The following F5 variants were observed in gnomAD, a reference collection of about 807,000 sequenced individuals.
F5 encodes the protein activated protein c cofactor.
F5 carries 138 observed loss-of-function variants against 216.4 expected under a neutral mutation model. The observed-to-expected ratio is 0.64, with a 90% CI of 0.56 to 0.73. The LOEUF (loss-of-function observed/expected upper bound fraction) is 0.73, where lower values mean the gene tolerates loss of function less well. Among genes scored for constraint, F5 ranks in the 30% least tolerant of loss-of-function variants. The pLI is 0.00. For synonymous variants in F5, 916 were observed against 930.7 expected, an observed-to-expected ratio of 0.98 and a Z score of 0.29; for missense variants, 2,403 against 2,674.0, an observed-to-expected ratio of 0.90 and a Z score of 2.24.
intron 7 of F5, among the ~76,000 whole-genome samples, chr1:169,554,046 T>G (rs1660249866): frequency 9.7e-6 from 1 of 102,566 alleles, no homozygotes; most frequent in Non-Finnish European, 2.4e-5. Context: ...TTCTATAATC[T>G]TGGCCAAATT....
intron 6 of F5, 22 bp downstream of exon 6, chr1:169,556,624 G>T (rs1219139433): frequency 6.2e-7 from 1 of 1,610,608 alleles, no homozygotes; most frequent in Admixed American, 1.7e-5. Flanking sequence ...TGAGAAGCAA[G>T]ACTGTCAGGA....
chr1:169,573,947 G>T (rs78985570), intron 2 of F5, among the ~76,000 whole-genome samples: 224 of 152,076 alleles, frequency 1.5e-3, no homozygotes, highest in African/African-American at 5.1e-3. Context: ...CACATCCATG[G>T]AGTCAACCAA....
At chr1:169,570,183 A>T (rs1013353549) in intron 3 of F5, among the ~76,000 whole-genome samples, 2 of 152,090 alleles carry the variant, frequency 1.3e-5, no homozygotes, top group Admixed American at 1.3e-4. Flanking sequence ...ATTTTAAGCA[A>T]TTGCTCATAA....
intron 10 of F5, among the ~76,000 whole-genome samples, chr1:169,549,254 C>T (rs987664149): frequency 6.6e-6 from 1 of 152,164 alleles, no homozygotes; most frequent in African/African-American, 2.4e-5. Context: ...TATCTTTGTT[C>T]ACATTCTTCT....
At chr1:169,576,187 A>T (rs779346246) in intron 2 of F5, among the ~76,000 whole-genome samples, 6 of 152,190 alleles carry the variant, frequency 3.9e-5, no homozygotes, top group Non-Finnish European at 8.8e-5. Context: ...CTGCAGATAT[A>T]TAATCATAAA....
intron 13 of F5, among the ~76,000 whole-genome samples, chr1:169,539,556 G>C (rs1659785718): frequency 6.6e-6 from 1 of 152,186 alleles, no homozygotes; most frequent in Non-Finnish European, 1.5e-5. Context: ...GGAGATGTCA[G>C]GCATCAGATT....
chr1:169,522,859 C>T (rs1254193969), intron 21 of F5, among the ~76,000 whole-genome samples: 1 of 152,186 alleles, frequency 6.6e-6, no homozygotes, highest in African/African-American at 2.4e-5. Context: ...TCTTGGTAGC[C>T]AATTTTTAGC....
rs1307853464 is a variant in F5 at position 169,555,285 on chromosome 1, T to C, written c.1015A>G (p.Ile339Val). 9.3e-6 allele frequency: 15 copies of C among 1,614,150 alleles called. No homozygotes were observed. The highest frequency in any genetic ancestry group is 1.1e-5 in the Non-Finnish European group (13 of 1,180,006). The stretch of plus-strand genomic sequence containing the variant: ...ATGTGCCGCCTCTGCTCACGAGTTA[T>C]TTTCTTAAGATTCCTGGTTTTCTTT... ...CPKKTRNLKK[I>V]TREQRRHMKR... Residue 339 changes from isoleucine (I) to valine (V), a missense_variant, in exon 7 of 25, where the codon ATA becomes GTA. This residue lies in a region of F5 where 1,425 missense variants were observed against 1,554.8 expected (regional missense o/e 0.92). Coordinates refer to ENST00000367797, the MANE Select transcript of F5 (RefSeq NM_000130.5).
At chr1:169,532,290 G>T (rs1424238215) in intron 14 of F5, among the ~76,000 whole-genome samples, 1 of 152,108 alleles carries the variant, frequency 6.6e-6, no homozygotes, top group South Asian at 2.1e-4. Flanking sequence ...ACTGGAACAA[G>T]ACATGGATGC....
At chr1:169,568,350 G>A (rs1660655841) in intron 3 of F5, among the ~76,000 whole-genome samples, 1 of 152,050 alleles carries the variant, frequency 6.6e-6, no homozygotes, top group African/African-American at 2.4e-5. Context: ...GACAATTGGG[G>A]TGTAATTTTA....
At chr1:169,553,663 A>G (rs190708251) in intron 7 of F5, among the ~76,000 whole-genome samples, 1,565 of 152,368 alleles carry the variant, frequency 0.01, 15 homozygotes, top group Non-Finnish European at 0.017. Context: ...CGGAGCTTGC[A>G]GTGAGCAGAG....
intron 2 of F5, among the ~76,000 whole-genome samples, chr1:169,576,417 G>T (rs1160578056): frequency 6.6e-6 from 1 of 152,134 alleles, no homozygotes; most frequent in Non-Finnish European, 1.5e-5. Context: ...ACACAGGACT[G>T]TGGAGGTCAC....
At position 169,549,923 on chromosome 1, in the gene F5, C is replaced by T; in HGVS notation, c.1489G>A (p.Asp497Asn). 1 of 1,614,142 alleles carries T rather than the reference C, an allele frequency of 6.2e-7. No individual in the cohort carries two copies. Among genetic ancestry groups the T allele is most frequent in the Non-Finnish European group, 8.5e-7 (1 of 1,180,012 alleles). ...TATGGTCTTGTTAAGCACTGGGCAT[C>T]ATTTTCTGTGGGTTCATCAAACTCT... ...ILEFDEPTEN[D>N]AQCLTRPYYS... is the part of the protein sequence containing the mutation. The change falls in exon 10 of 25, where the codon GAT (aspartate) becomes AAT (asparagine). Residue 497 changes from aspartate (D) to asparagine (N), a missense_variant. Physicochemically the swap from Asp to Asn is conservative, Grantham distance 23. Transcript: ENST00000367797.
At chr1:169,534,032 C>G (rs1659648172) in intron 14 of F5, among the ~76,000 whole-genome samples, 2 of 152,166 alleles carry the variant, frequency 1.3e-5, no homozygotes, top group African/African-American at 4.8e-5. Flanking sequence ...GTTATGTTAT[C>G]TATAGATTAC....
intron 14 of F5, 86 bp downstream of exon 14, chr1:169,536,420 T>C (rs2101815139): frequency 1.4e-5 from 15 of 1,095,272 alleles, no homozygotes; most frequent in Middle Eastern, 4.0e-4. Flanking sequence ...AAATCACCTA[T>C]AGCTCTCTTG....
At position 169,541,138 on chromosome 1, in the gene F5, G is replaced by T. The variant is rs538359973; in HGVS notation, c.3952C>A (p.Gln1318Lys). Residue 1318 changes from glutamine to lysine, a missense_variant, in exon 13 of 25, where the codon CAG (glutamine) becomes AAG (lysine). Transcript: ENST00000367797. ...SQTNLSPALG[Q>K]MPISPDLSHT... ...CTGAGGTCTGGAGAAATGGGCATCT[G>T]ACCGAGGGCTGGGGAAAGGTTTGTC... The T allele has an allele frequency of 3.0e-4, 466 of 1,573,250 alleles. 11 individuals carry two copies. In the South Asian group the frequency reaches 5.5e-3, roughly 18 times the overall value.
At chr1:169,514,802 G>A (rs925521483) in intron 24 of F5, among the ~76,000 whole-genome samples, 6 of 152,106 alleles carry the variant, frequency 3.9e-5, no homozygotes, top group Admixed American at 3.3e-4. Flanking sequence ...CCAGTGATCT[G>A]ACTTAAATTA....
At chr1:169,582,840 A>G (rs1661019448) in intron 1 of F5, among the ~76,000 whole-genome samples, 1 of 152,246 alleles carries the variant, frequency 6.6e-6, no homozygotes, top group South Asian at 2.1e-4. Context: ...TAGATTTTAT[A>G]TGATTAAAAT....
chr1:169,526,862 TATTA>T (rs1205876784), intron 17 of F5, among the ~76,000 whole-genome samples: 7 of 150,988 alleles, frequency 4.6e-5, no homozygotes, highest in South Asian at 4.2e-4. Flanking sequence ...ATAAATTATC[TATTA>T]ATTATTATAT....
Sources: allele counts gnomAD v4.1 joint callset (sites outside exome capture counted in the v4.1 genomes callset), GRCh38; gene constraint gnomAD v4.1.1; regional missense constraint gnomAD v4.1.1; transcripts MANE v1.5; gene names NCBI Gene and HGNC (gene_info 2026-07-23, HGNC 2026-07-21).